Variants in RTKN observed in about 807,000 individuals in gnomAD.
RTKN encodes the protein rhotekin.
In RTKN, 49 loss-of-function variants were observed where a neutral mutation model predicts 63.5. That is an observed-to-expected ratio of 0.77 (90% CI 0.61 to 0.98). The LOEUF (loss-of-function observed/expected upper bound fraction) is 0.98, where lower values mean the gene tolerates loss of function less well. RTKN is among the 50% of genes least tolerant of loss of function. The pLI is 0.00. For synonymous variants in RTKN, 295 were observed against 290.4 expected (o/e 1.02, Z -0.16); for missense variants, 685 against 740.8 (o/e 0.92, Z 0.87).
At chr2:74,439,034 G>A (rs532057059) in intron 1 of RTKN, among the ~76,000 whole-genome samples, 8 of 152,200 alleles carry the variant, frequency 5.3e-5, no homozygotes, top group South Asian at 2.1e-4. Flanking sequence ...CTGTAATCTC[G>A]GCATTTTGGG....
At position 74,428,299 on chromosome 2, in the gene RTKN, TC is replaced by T. The variant is rs766271418; in HGVS notation, c.1054del (p.Glu352LysfsTer24). On this transcript the variant is annotated frameshift_variant, in exon 9 of 12. Coordinates refer to ENST00000272430, the MANE Select transcript of RTKN (RefSeq NM_001015055.2). LOFTEE classifies it high-confidence loss of function. ...YRQPEDADTGEEPLLTIAVNK... is the reference protein window; with the variant it reads ...YRQPEDADTGXEPLLTIAVNK... ...GACAGCAATAGTAAGCAGCGGCTCT[TC>T]CCCAGTGTCTGCATCCTCAGGTTGC... is the stretch of plus-strand genomic sequence containing the variant. The T allele has an allele frequency of 3.7e-6, 6 of 1,614,130 alleles. No homozygotes were observed. Among genetic ancestry groups the T allele is most frequent in the African/African-American group, 1.3e-5 (1 of 75,032 alleles).
At chr2:74,437,988 G>A (rs1671148719) in intron 1 of RTKN, among the ~76,000 whole-genome samples, 1 of 152,194 alleles carries the variant, frequency 6.6e-6, no homozygotes, top group South Asian at 2.1e-4. Context: ...TCTGAGGCCA[G>A]GTCTGGGCTC....
chr2:74,427,443 C>T lies in RTKN; in HGVS notation c.1236G>A (p.Trp412Ter), dbSNP rs780953276. 6 of 1,614,172 alleles carry T rather than the reference C, an allele frequency of 3.7e-6. No homozygotes were observed. The highest frequency in any genetic ancestry group is 1.1e-5 in the South Asian group (1 of 91,074). Residue 412 changes from tryptophan to a stop codon, truncating the protein, a stop_gained, in exon 10 of 12, where the codon TGG (tryptophan) becomes TGA (stop). Coordinates refer to ENST00000272430, the MANE Select transcript of RTKN (RefSeq NM_001015055.2). LOFTEE classifies it high-confidence loss of function. ...TCTTACTCATGTCAAAGAAAAGCTG[C>T]CACAGAGCCTCCATCCAGCTCTGCA... ...EALQSWMEAL[W>*]QLFFDMSQWK... is the part of the protein sequence containing the mutation.
Position 74,430,284 on chromosome 2 carries a change from G to A in RTKN, c.513C>T (p.Leu171=). ...DTEMILVDRT[L]TDISFQSNVL... ...CATTGCTCTGAAAGGAGATGTCTGTGAGGGTCCTGTCCACTAGGATCATCT... is the reference window on the plus strand; with the variant it reads ...CATTGCTCTGAAAGGAGATGTCTGTAAGGGTCCTGTCCACTAGGATCATCT... Residue 171 remains leucine, a synonymous_variant, in exon 5 of 12, where the codon CTC becomes CTT. Transcript: ENST00000272430. 6.2e-7 allele frequency: 1 copy of A among 1,613,986 alleles called. No homozygotes were observed. Among genetic ancestry groups the A allele is most frequent in the African/African-American group, 1.3e-5 (1 of 75,064 alleles).
rs1671088894 is a variant in RTKN at position 74,436,836 on chromosome 2, C to G, written c.112-4170G>C. Among the ~76,000 whole-genome samples the G allele has an allele frequency of 6.6e-6, 1 of 152,158 alleles. No homozygotes were observed. The highest frequency in any genetic ancestry group is 1.5e-5 in the Non-Finnish European group (1 of 68,004). ...CTGGCTCAGGATCTGGACCCTTGTG[C>G]TTCTAGCGTTTCCCCAACCCAGGGA... On this transcript the variant is annotated intron_variant, in intron 1 of 11. Transcript: ENST00000272430. The surrounding 1 kb of genome is among the most constrained non-coding windows in gnomAD (Gnocchi z 4.3).
Position 74,430,464 on chromosome 2 carries a change from C to T in RTKN, c.427+1G>A, listed in dbSNP as rs987792213. On this transcript the variant is annotated splice_donor_variant, in intron 4 of 11. Transcript: ENST00000272430. LOFTEE classifies it high-confidence loss of function. ...TTTGTCCCAGGGTGTGTGGAACTCA[C>T]CACCTTTGTTCTTGAAATATTCTGT... 1 of 1,614,012 alleles carries T rather than the reference C, an allele frequency of 6.2e-7. No individual in the cohort carries two copies. The highest frequency in any genetic ancestry group is 8.5e-7 in the Non-Finnish European group (1 of 1,179,978).
At chr2:74,430,916 A>C in intron 2 of RTKN, 6 of 547,740 alleles carry the variant, frequency 1.1e-5, no homozygotes, top group East Asian at 5.9e-5. Context: ...GCACAAGCTC[A>C]GGGCTCCTCT....
rs1157942469 is a variant in RTKN, at chr2:74,436,150, C to A, written c.112-3484G>T. ...GAGGGGGACACGGAGGTGTCCTCAA[C>A]CCCCATCTTGGCTAGTCTCATCCCA... On this transcript the variant is annotated intron_variant, in intron 1 of 11. Transcript: ENST00000272430. The surrounding 1 kb of genome is among the most constrained non-coding windows in gnomAD (Gnocchi z 4.3). 6.6e-6 allele frequency among the ~76,000 whole-genome samples: 1 copy of A among 152,258 alleles called. No homozygotes were observed. The highest frequency in any genetic ancestry group is 1.9e-4 in the East Asian group (1 of 5,198).
In RTKN at chr2:74,437,397, C is replaced by T. The variant is rs528286316; in HGVS notation, c.111+4309G>A. ...AATGGGTCTCTCTTTTGAGGACCTG[C>T]TGAACTTGGTTGAGAAAGAACACAG... On this transcript the variant is annotated intron_variant, in intron 1 of 11. Coordinates refer to ENST00000272430, the MANE Select transcript of RTKN (RefSeq NM_001015055.2). Among the ~76,000 whole-genome samples, 26 of 152,266 alleles carry T rather than the reference C, an allele frequency of 1.7e-4. 1 individual carries two copies. The South Asian group carries it at 5.4e-3, about 32-fold the overall frequency.
chr2:74,428,932 A>T lies in RTKN; in HGVS notation c.766T>A (p.Tyr256Asn). The T allele has an allele frequency of 1.2e-6, 2 of 1,613,986 alleles. No homozygotes were observed. The highest frequency in any genetic ancestry group is 1.7e-6 in the Non-Finnish European group (2 of 1,179,906). Reference protein sequence around the residue: ...LPTPVVGGPRYHLLAHTTLTL... With the variant: ...LPTPVVGGPRNHLLAHTTLTL... ...AGTGTGGTGTGAGCCAAGAGGTGGT[A>T]ACGAGGACCACTGAGGGAGATAGGA... Residue 256 changes from tyrosine to asparagine, a missense_variant, in exon 7 of 12, where the codon TAC becomes AAC. Tyr to Asn is a moderately radical substitution (Grantham distance 143, BLOSUM62 -2). Coordinates refer to ENST00000272430, the MANE Select transcript of RTKN (RefSeq NM_001015055.2).
chr2:74,440,617 C>T (rs1671316406), intron 1 of RTKN: 1 of 952,138 alleles, frequency 1.1e-6, no homozygotes, highest in African/African-American at 1.8e-5. Flanking sequence ...GCGGCCCCAG[C>T]TCACAGGCCC....
rs77524774 is a variant in RTKN, at chr2:74,437,208, C to T, written c.111+4498G>A. On this transcript the variant is annotated intron_variant, in intron 1 of 11. Transcript: ENST00000272430. Reference sequence around the variant, plus strand: ...AAAATGGGGAGTATTCCACCTCCTTCGTAGCATTGTTTGAGAATTATATGG... The same window carrying T: ...AAAATGGGGAGTATTCCACCTCCTTTGTAGCATTGTTTGAGAATTATATGG... Among the ~76,000 whole-genome samples the T allele has an allele frequency of 2.6e-3, 390 of 152,312 alleles. 4 individuals carry two copies. Among genetic ancestry groups the T allele is most frequent in the African/African-American group, 8.9e-3 (371 of 41,562 alleles).
Position 74,430,512 on chromosome 2 carries a change from C to T in RTKN, c.380G>A (p.Arg127Gln), listed in dbSNP as rs762349242. The stretch of plus-strand genomic sequence containing the variant: ...TGTGTCCTTCCACATGAGTGGAATC[C>T]GGAGGTCTAAGGGGCAGAGGGGTAA... ...CRGRVCISDL[R>Q]IPLMWKDTEY... The change falls in exon 4 of 12, where the codon CGG becomes CAG. Residue 127 changes from arginine (R) to glutamine (Q), a missense_variant. Physicochemically the swap from Arg to Gln is conservative, Grantham distance 43. Transcript: ENST00000272430. 11 of 1,614,008 alleles carry T rather than the reference C, an allele frequency of 6.8e-6. No homozygotes were observed. Among genetic ancestry groups the T allele is most frequent in the East Asian group, 4.5e-5 (2 of 44,898 alleles).
At chr2:74,438,675 C>T (rs774525518) in intron 1 of RTKN, among the ~76,000 whole-genome samples, 1 of 152,224 alleles carries the variant, frequency 6.6e-6, no homozygotes, top group Non-Finnish European at 1.5e-5. Context: ...CTCTTTCCCA[C>T]AAATATATTA....
intron 1 of RTKN, 74 bp downstream of exon 1, chr2:74,441,632 G>A: frequency 9.3e-7 from 1 of 1,077,276 alleles, no homozygotes; most frequent in Non-Finnish European, 1.4e-6. Context: ...ACGCGGGCGA[G>A]GGAAGGAGGC....
At position 74,436,154 on chromosome 2, in the gene RTKN, C is replaced by T. The variant is rs970225055; in HGVS notation, c.112-3488G>A. ...GGGACACGGAGGTGTCCTCAACCCC[C>T]ATCTTGGCTAGTCTCATCCCAGTCC... On this transcript the variant is annotated intron_variant, in intron 1 of 11. Coordinates refer to ENST00000272430, the MANE Select transcript of RTKN (RefSeq NM_001015055.2). The surrounding 1 kb of genome is among the most constrained non-coding windows in gnomAD (Gnocchi z 4.3). 1.3e-5 allele frequency among the ~76,000 whole-genome samples: 2 copies of T among 152,272 alleles called. No individual in the cohort carries two copies. Among genetic ancestry groups the T allele is most frequent in the African/African-American group, 4.8e-5 (2 of 41,472 alleles).
In RTKN at chr2:74,428,724, G is replaced by C. The variant is rs748996993; in HGVS notation, c.864C>G (p.Ala288=). ...LTLASHEENP[A]WLPLYGSVCC... ...ACACGCTACCATAAAGGGGCAGCCAGGCAGGGTTCTCCTCTGGGGGAGGAG... is the reference window on the plus strand; with the variant it reads ...ACACGCTACCATAAAGGGGCAGCCACGCAGGGTTCTCCTCTGGGGGAGGAG... The change falls in exon 8 of 12, where the codon GCC becomes GCG. Residue 288 remains alanine, a synonymous_variant. Transcript: ENST00000272430. 6.2e-7 allele frequency: 1 copy of C among 1,613,922 alleles called. No homozygotes were observed. The highest frequency in any genetic ancestry group is 8.5e-7 in the Non-Finnish European group (1 of 1,179,934).
chr2:74,434,396 T>C (rs1220117132), intron 1 of RTKN, among the ~76,000 whole-genome samples: 2 of 151,512 alleles, frequency 1.3e-5, no homozygotes, highest in Admixed American at 6.6e-5. Context: ...TTCTTCTGCC[T>C]AGCCTCCGGA....
rs1467579540 is a variant in RTKN at position 74,426,453 on chromosome 2, G to A, written c.1482C>T (p.Asn494=). The A allele has an allele frequency of 6.2e-7, 1 of 1,612,066 alleles. No homozygotes were observed. ...GGGCCACTGAGGCAGGCGAGCAGGG[G>A]TTAGGCAGGGCAGGCTGGTCTGTAA... ...AMFTDQPALP[N]PCSPASVAPA... The change falls in exon 12 of 12, where the codon AAC becomes AAT. Residue 494 remains asparagine, a synonymous_variant. Transcript: ENST00000272430.
Sources: allele counts gnomAD v4.1 joint callset (sites outside exome capture counted in the v4.1 genomes callset), GRCh38; gene constraint gnomAD v4.1.1; non-coding constraint Gnocchi (gnomAD v3.1); transcripts MANE v1.5; gene names NCBI Gene and HGNC (gene_info 2026-07-23, HGNC 2026-07-21).